FHOD3: variants seen among roughly 807,000 people sequenced by gnomAD.
The protein encoded by FHOD3 is FH1/FH2 domain-containing protein 3.
A neutral mutation model predicts 173.0 loss-of-function variants in FHOD3; 90 were observed. The ratio of observed to expected loss-of-function variants is 0.52; its 90% CI spans 0.44 to 0.62. FHOD3 has a LOEUF of 0.62. FHOD3 is among the 20% of genes least tolerant of loss of function. FHOD3 has a pLI of 0.00. For missense variants in FHOD3, 1,945 were observed against 2,034.7 expected, an observed-to-expected ratio of 0.96 and a Z score of 0.85; for synonymous variants, 828 against 823.0, an observed-to-expected ratio of 1.01 and a Z score of -0.10.
Position 36,779,536 on chromosome 18 carries a change from A to G in FHOD3, c.*6A>G, listed in dbSNP as rs781329054. On this transcript the variant is annotated 3_prime_UTR_variant, in exon 29 of 29. Transcript: ENST00000590592. ...CCTCGGAGTTGCAGCTGTGACACTC[A>G]TAGGTTACTCCCAGGAGTGTGCTGA... 1.2e-5 allele frequency: 19 copies of G among 1,613,322 alleles called. No homozygotes were observed. In the Middle Eastern group the frequency reaches 1.6e-3, roughly 140 times the overall value.
chr18:36,429,399 C>T (rs1326411775), intron 3 of FHOD3, among the ~76,000 whole-genome samples: 1 of 152,130 alleles, frequency 6.6e-6, no homozygotes, highest in Non-Finnish European at 1.5e-5. Flanking sequence ...GTGTAGAAAA[C>T]ACCCAGTTTC....
intron 18 of FHOD3, chr18:36,711,608 G>T (rs1195921782): frequency 1.3e-5 from 2 of 152,192 alleles, no homozygotes; most frequent in East Asian, 3.9e-4. Context: ...GAGGCGTCTG[G>T]CTAAGATGGG....
At chr18:36,561,525 A>G (rs1030153530) in intron 5 of FHOD3, among the ~76,000 whole-genome samples, 3 of 152,216 alleles carry the variant, frequency 2.0e-5, no homozygotes, top group Non-Finnish European at 4.4e-5. Context: ...TTTGAGAAGT[A>G]CTATTTTTGA....
chr18:36,744,354 C>T (rs2042049036), intron 23 of FHOD3, among the ~76,000 whole-genome samples, 161 bp downstream of exon 23: 1 of 152,236 alleles, frequency 6.6e-6, no homozygotes, highest in East Asian at 1.9e-4. Flanking sequence ...TGTGGCATTT[C>T]TAATGAACTT....
chr18:36,775,628 C>T (rs1333232014), intron 28 of FHOD3, among the ~76,000 whole-genome samples: 1 of 152,156 alleles, frequency 6.6e-6, no homozygotes, highest in East Asian at 1.9e-4. Flanking sequence ...TCGGATGCGA[C>T]TCATCTTAGT....
At chr18:36,706,717 G>T (rs2039900644) in intron 17 of FHOD3, among the ~76,000 whole-genome samples, 1 of 152,194 alleles carries the variant, frequency 6.6e-6, no homozygotes, top group African/African-American at 2.4e-5. Flanking sequence ...CAGGCTTATG[G>T]CAGCCAACTG....
chr18:36,351,423 A>T (rs1220730999), intron 1 of FHOD3, among the ~76,000 whole-genome samples: 3 of 152,126 alleles, frequency 2.0e-5, no homozygotes, highest in African/African-American at 7.2e-5. Flanking sequence ...GAAGGGATAT[A>T]ACTGAGGATG....
chr18:36,423,587 A>C (rs1009882085), intron 3 of FHOD3, among the ~76,000 whole-genome samples: 4 of 152,236 alleles, frequency 2.6e-5, no homozygotes, highest in African/African-American at 9.6e-5. Flanking sequence ...TATAGTGAAC[A>C]ATAGTAGAAG....
rs1394259620 is a variant in FHOD3, at chr18:36,740,713, C to T, written c.3634C>T (p.Leu1212=). ...GAAGCAGAAAATCCAGGAAGCTCAG[C>T]TGGCCAACCCTGAAATCCCCCTGGG... ...EEKQKIQEAQ[L]ANPEIPLGSA... is the part of the protein sequence containing the mutation. Residue 1212 remains leucine (L), a synonymous_variant, in exon 21 of 29, where the codon CTG becomes TTG. Transcript: ENST00000590592. The T allele has an allele frequency of 1.2e-6, 2 of 1,614,056 alleles. No homozygotes were observed. The highest frequency in any genetic ancestry group is 2.2e-5 in the South Asian group (2 of 91,066).
Position 36,743,300 on chromosome 18 carries a change from C to T in FHOD3, c.3879+444C>T, listed in dbSNP as rs763098035. ...CTCCAGCCTGGGTGACAGAGCAAGACTCTGTCTCAAAAAAAAAAAAAAAAA... is the reference window on the plus strand; with the variant it reads ...CTCCAGCCTGGGTGACAGAGCAAGATTCTGTCTCAAAAAAAAAAAAAAAAA... On this transcript the variant is annotated intron_variant, in intron 22 of 28. Transcript: ENST00000590592. 2.2e-4 allele frequency among the ~76,000 whole-genome samples: 20 copies of T among 91,060 alleles called. 1 individual carries two copies. Among genetic ancestry groups the T allele is most frequent in the African/African-American group, 9.6e-4 (20 of 20,876 alleles). 59.7% of individuals were successfully genotyped at this position (91,060 alleles called of 152,430 possible). A position where few individuals can be genotyped will look rare whatever the true frequency, so the allele number is the denominator to read the frequency against.
intron 3 of FHOD3, among the ~76,000 whole-genome samples, chr18:36,400,026 G>T (rs1245032933): frequency 2.0e-5 from 3 of 152,236 alleles, no homozygotes; most frequent in Admixed American, 6.5e-5. Context: ...GGAAGAGGGT[G>T]TGAGGTGTGG....
At chr18:36,581,014 C>A (rs551579327) in intron 6 of FHOD3, among the ~76,000 whole-genome samples, 1 of 152,310 alleles carries the variant, frequency 6.6e-6, no homozygotes, top group East Asian at 1.9e-4. Flanking sequence ...TGAAAGGCAA[C>A]AAGATGTGAT....
intron 5 of FHOD3, among the ~76,000 whole-genome samples, chr18:36,545,695 G>A (rs1335361643): frequency 6.6e-6 from 1 of 152,188 alleles, no homozygotes; most frequent in Non-Finnish European, 1.5e-5. Context: ...GTTGCGAGAA[G>A]CTCAGCTCAA....
At chr18:36,578,931 C>A (rs1182146702) in intron 6 of FHOD3, among the ~76,000 whole-genome samples, 2 of 152,076 alleles carry the variant, frequency 1.3e-5, no homozygotes, top group Non-Finnish European at 2.9e-5. Context: ...TGCTTTCCCT[C>A]AGAAGATTGA....
intron 5 of FHOD3, among the ~76,000 whole-genome samples, chr18:36,550,243 C>CATATATATATATATATATATATATATAT (rs371573246): frequency 9.1e-5 from 11 of 120,720 alleles, no homozygotes; most frequent in African/African-American, 2.5e-4. Context: ...AGTGGTAGAC[C>CATATATATATATATATATATATATATAT]ATATATATAT....
intron 28 of FHOD3, among the ~76,000 whole-genome samples, chr18:36,777,203 T>C (rs542898686): frequency 4.7e-4 from 68 of 144,480 alleles, no homozygotes; most frequent in Middle Eastern, 6.9e-3. Flanking sequence ...TTTTTCTTTT[T>C]TTTTTTTTTT....
In FHOD3 at chr18:36,531,421, C is replaced by T. The variant is rs1430342717; in HGVS notation, c.511+18878C>T. 2.0e-5 allele frequency among the ~76,000 whole-genome samples: 3 copies of T among 152,162 alleles called. No individual in the cohort carries two copies. In the East Asian group the frequency reaches 5.8e-4, roughly 29 times the overall value. On this transcript the variant is annotated intron_variant, in intron 5 of 28. Transcript: ENST00000590592. ...ACTGTGCCCCTTATTTCAGCCCTCA[C>T]AGTCACAGCCATTCCTGTCCAAAAC...
At chr18:36,615,120 G>A (rs1256930104) in intron 9 of FHOD3, among the ~76,000 whole-genome samples, 2 of 152,046 alleles carry the variant, frequency 1.3e-5, no homozygotes, top group African/African-American at 2.4e-5. Context: ...AAAGTGTTGG[G>A]ATTAAGGGCA....
intron 3 of FHOD3, among the ~76,000 whole-genome samples, chr18:36,466,265 C>T (rs9951955): frequency 5.8e-4 from 89 of 152,158 alleles, no homozygotes; most frequent in African/African-American, 2.1e-3. Context: ...GTCTGGGTTT[C>T]GCTATGAAAC....
Sources: gnomAD v4.1 joint callset for allele counts (sites outside exome capture counted in the v4.1 genomes callset) on GRCh38, gnomAD v4.1.1 for gene constraint, MANE v1.5 for transcripts, NCBI Gene and HGNC (gene_info 2026-07-23, HGNC 2026-07-21) for gene names.